PRR16: variants seen among roughly 807,000 people sequenced by gnomAD.
The protein encoded by PRR16 is protein Largen.
Under a neutral mutation model 18.2 loss-of-function variants are expected in PRR16, and 6 were observed. That is an observed-to-expected ratio of 0.33 (90% CI 0.18 to 0.65). The LOEUF is 0.65. Ranked by LOEUF, PRR16 falls within the 30% of genes least tolerant of loss-of-function variation. The pLI, the probability that PRR16 is intolerant of heterozygous loss-of-function variation, is 0.74. For synonymous variants in PRR16, 151 were observed against 147.8 expected, an observed-to-expected ratio of 1.02 and a Z score of -0.16; for missense variants, 412 against 376.6, an observed-to-expected ratio of 1.09 and a Z score of -0.78.
At chr5:120,692,626 A>C in the PRR16 span, among the ~76,000 whole-genome samples, 4 of 152,340 alleles carry the variant, frequency 2.6e-5, no homozygotes, top group East Asian at 7.7e-4. Flanking sequence ...TACCCATCAC[A>C]GTTTCAAAGG....
At chr5:120,469,577 G>T (rs1341333061) in intron 1 of PRR16, among the ~76,000 whole-genome samples, 1 of 151,872 alleles carries the variant, frequency 6.6e-6, no homozygotes, top group Non-Finnish European at 1.5e-5. Flanking sequence ...TCATCCTCCT[G>T]CTTAGGCCTC....
At chr5:120,720,800 AT>A in the PRR16 span, among the ~76,000 whole-genome samples, 2 of 152,004 alleles carry the variant, frequency 1.3e-5, no homozygotes, top group African/African-American at 4.8e-5. Flanking sequence ...TTTATGATGG[AT>A]TTATATTTTT....
intron 1 of PRR16, among the ~76,000 whole-genome samples, chr5:120,637,325 A>C (rs1161580216): frequency 5.3e-5 from 8 of 149,776 alleles, no homozygotes; most frequent in African/African-American, 1.7e-4. Flanking sequence ...CGGAAAAAAA[A>C]AAAAAAAAAA....
chr5:120,738,454 C>T, the PRR16 span, among the ~76,000 whole-genome samples: 2 of 151,910 alleles, frequency 1.3e-5, no homozygotes, highest in East Asian at 3.9e-4. Flanking sequence ...TAGAAACTTG[C>T]TTTTAACTTT....
intron 1 of PRR16, among the ~76,000 whole-genome samples, chr5:120,629,546 T>G (rs571542909): frequency 6.6e-6 from 1 of 152,176 alleles, no homozygotes; most frequent in East Asian, 1.9e-4. Context: ...TCTAATATTT[T>G]AGAATCATTT....
In PRR16 at chr5:120,580,063, G is replaced by A. The variant is rs1753216292; in HGVS notation, c.160-105891G>A. 3.3e-5 allele frequency among the ~76,000 whole-genome samples: 5 copies of A among 152,252 alleles called. No homozygotes were observed. The South Asian group carries it at 1.0e-3, about 32-fold the overall frequency. On this transcript the variant is annotated intron_variant, in intron 1 of 1. Transcript: ENST00000407149. The stretch of plus-strand genomic sequence containing the variant: ...ATTGTTGTTGTAAAGGAATGCTTGT[G>A]ATTTTTGCACATTGATTTTGTATCC...
chr5:120,634,925 A>G (rs1755178398), intron 1 of PRR16, among the ~76,000 whole-genome samples: 1 of 152,158 alleles, frequency 6.6e-6, no homozygotes, highest in African/African-American at 2.4e-5. Context: ...AGAAATGAGA[A>G]CAGGAGATAT....
At chr5:120,771,908 A>G in the PRR16 span, among the ~76,000 whole-genome samples, 1 of 152,064 alleles carries the variant, frequency 6.6e-6, no homozygotes, top group Non-Finnish European at 1.5e-5. Flanking sequence ...TTATAAAAAT[A>G]TGCATTGAAA....
chr5:120,589,739 C>A (rs1221608484), intron 1 of PRR16, among the ~76,000 whole-genome samples: 1 of 152,038 alleles, frequency 6.6e-6, no homozygotes, highest in Non-Finnish European at 1.5e-5. Flanking sequence ...ATGGCAGAAA[C>A]CACCCTCATG....
intron 1 of PRR16, among the ~76,000 whole-genome samples, chr5:120,680,906 T>C (rs1451534778): frequency 6.6e-6 from 1 of 152,178 alleles, no homozygotes; most frequent in Non-Finnish European, 1.5e-5. Context: ...AAACTCTAAA[T>C]TATGTTTTAT....
At chr5:120,499,708 C>T (rs927723227) in intron 1 of PRR16, among the ~76,000 whole-genome samples, 5 of 150,902 alleles carry the variant, frequency 3.3e-5, no homozygotes, top group African/African-American at 1.2e-4. Flanking sequence ...TTTTCTGTGA[C>T]AGCTGCTTTA....
At chr5:120,792,116 T>A in the PRR16 span, among the ~76,000 whole-genome samples, 2 of 152,072 alleles carry the variant, frequency 1.3e-5, no homozygotes, top group African/African-American at 4.8e-5. Flanking sequence ...CCCAAAAATA[T>A]TTGACAATAA....
the PRR16 span, among the ~76,000 whole-genome samples, chr5:120,712,562 G>C: frequency 1.3e-5 from 2 of 151,936 alleles, no homozygotes; most frequent in Non-Finnish European, 2.9e-5. Flanking sequence ...TACCTGATAA[G>C]GGTGTATAAA....
intron 1 of PRR16, among the ~76,000 whole-genome samples, chr5:120,606,046 G>A (rs1313968172): frequency 6.6e-6 from 1 of 152,206 alleles, no homozygotes; most frequent in Non-Finnish European, 1.5e-5. Flanking sequence ...TGGTGGGGCA[G>A]TTGTGGGTGC....
chr5:120,525,168 T>C (rs1018196536), intron 1 of PRR16, among the ~76,000 whole-genome samples: 9 of 152,190 alleles, frequency 5.9e-5, no homozygotes, highest in African/African-American at 2.2e-4. Flanking sequence ...TTAATATGCT[T>C]TGTAAACTTC....
At chr5:120,585,776 A>T (rs1458120019) in intron 1 of PRR16, among the ~76,000 whole-genome samples, 1 of 152,064 alleles carries the variant, frequency 6.6e-6, no homozygotes, top group African/African-American at 2.4e-5. Context: ...AGCTGAACGT[A>T]TGTGTTTCAG....
intron 1 of PRR16, among the ~76,000 whole-genome samples, chr5:120,503,442 C>G (rs1750532411): frequency 6.6e-6 from 1 of 152,054 alleles, no homozygotes; most frequent in Non-Finnish European, 1.5e-5. Context: ...ATAATAGACT[C>G]AGAGTTATTG....
chr5:120,537,317 C>T (rs1751749586), intron 1 of PRR16, among the ~76,000 whole-genome samples: 1 of 152,046 alleles, frequency 6.6e-6, no homozygotes, highest in African/African-American at 2.4e-5. Context: ...TAAAACTTTC[C>T]CTAATATGTT....
At chr5:120,555,666 C>A (rs945319918) in intron 1 of PRR16, among the ~76,000 whole-genome samples, 1 of 151,818 alleles carries the variant, frequency 6.6e-6, no homozygotes, top group Non-Finnish European at 1.5e-5. Context: ...AATGCTATCA[C>A]TTTGGGGTTA....
Sources: allele counts gnomAD v4.1 joint callset (sites outside exome capture counted in the v4.1 genomes callset), GRCh38; gene constraint gnomAD v4.1.1; transcripts MANE v1.5; gene names NCBI Gene and HGNC (gene_info 2026-07-23, HGNC 2026-07-21).